The following KALRN variants were observed in gnomAD, a reference collection of about 807,000 sequenced individuals.
KALRN encodes the protein kalirin.
Under a neutral mutation model 353.7 loss-of-function variants are expected in KALRN, and 70 were observed. That is an observed-to-expected ratio of 0.20 (90% confidence interval 0.16 to 0.24). KALRN has a LOEUF of 0.24. Ranked by LOEUF, KALRN falls within the 10% of genes least tolerant of loss-of-function variation. The pLI is 1.00. For synonymous variants in KALRN, 1,391 were observed against 1,434.8 expected, an observed-to-expected ratio of 0.97 and a Z score of 0.69; for missense variants, 2,791 against 3,756.7, an observed-to-expected ratio of 0.74 and a Z score of 6.72.
chr3:124,246,819 G>A (rs1033236576), intron 3 of KALRN, among the ~76,000 whole-genome samples: 1 of 152,176 alleles, frequency 6.6e-6, no homozygotes, highest in Non-Finnish European at 1.5e-5. Flanking sequence ...TTTGTGGTAG[G>A]TAATCAGGAT....
chr3:124,084,597 T>C (rs575632185), intron 1 of KALRN, among the ~76,000 whole-genome samples: 1 of 152,374 alleles, frequency 6.6e-6, no homozygotes, highest in Admixed American at 6.5e-5. Flanking sequence ...GAAGCATGTT[T>C]AGACAATTAC....
At chr3:124,672,939 A>G (rs2086643605) in intron 48 of KALRN, among the ~76,000 whole-genome samples, 1 of 152,164 alleles carries the variant, frequency 6.6e-6, no homozygotes, top group South Asian at 2.1e-4. Context: ...ATTAGTTTAT[A>G]TTGGTTATAT....
intron 6 of KALRN, among the ~76,000 whole-genome samples, chr3:124,312,378 C>T (rs950444486): frequency 2.0e-5 from 3 of 152,166 alleles, no homozygotes; most frequent in African/African-American, 7.2e-5. Flanking sequence ...CCAGGCTGGT[C>T]TTGAACTCCT....
At chr3:124,701,260 T>C (rs963937039) in intron 56 of KALRN, among the ~76,000 whole-genome samples, 1 of 152,204 alleles carries the variant, frequency 6.6e-6, no homozygotes, top group Non-Finnish European at 1.5e-5. Context: ...CACAAGGTAA[T>C]ACTGCCAAAG....
intron 1 of KALRN, among the ~76,000 whole-genome samples, chr3:124,090,279 A>G (rs1283613545): frequency 2.6e-5 from 4 of 152,180 alleles, no homozygotes; most frequent in Non-Finnish European, 4.4e-5. Flanking sequence ...GTCTTCCATG[A>G]GCTGGGCATG....
At chr3:124,462,024 C>T in intron 24 of KALRN, 68 bp downstream of exon 24, 1 of 1,198,738 alleles carries the variant, frequency 8.3e-7, no homozygotes, top group Non-Finnish European at 1.2e-6. Flanking sequence ...ATCAAGTCCT[C>T]AATTGGAATT....
At chr3:124,649,154 G>A (rs534471539) in intron 37 of KALRN, among the ~76,000 whole-genome samples, 1 of 152,242 alleles carries the variant, frequency 6.6e-6, no homozygotes, top group South Asian at 2.1e-4. Context: ...TCTGCTTAGT[G>A]TTATGTTTTT....
At chr3:124,623,697 C>T (rs1205394907) in intron 34 of KALRN, among the ~76,000 whole-genome samples, 1 of 152,104 alleles carries the variant, frequency 6.6e-6, no homozygotes, top group Non-Finnish European at 1.5e-5. Context: ...GTCTGCCTTC[C>T]CCAGCCCACT....
intron 3 of KALRN, among the ~76,000 whole-genome samples, chr3:124,263,346 T>C (rs1367510377): frequency 6.6e-6 from 1 of 152,208 alleles, no homozygotes; most frequent in Non-Finnish European, 1.5e-5. Flanking sequence ...TCCATTCCAG[T>C]CAGTTCCACT....
At chr3:124,413,230 A>G (rs1199336786) in intron 13 of KALRN, among the ~76,000 whole-genome samples, 1 of 152,188 alleles carries the variant, frequency 6.6e-6, no homozygotes. Flanking sequence ...CATAATATGA[A>G]TGTTTGCTGC....
rs189555922 is a variant in KALRN, at chr3:124,068,720, C to G, written c.73+34907C>G. Among the ~76,000 whole-genome samples, 1,035 of 152,182 alleles carry G rather than the reference C, an allele frequency of 6.8e-3. 10 individuals carry two copies. Among genetic ancestry groups the G allele is most frequent in the Non-Finnish European group, 0.012 (807 of 68,014 alleles). ...TATTTATTGATTTACACCCTTTCCC[C>G]AGCAGTTGAATAATGATTATTGACA... On this transcript the variant is annotated intron_variant, in intron 1 of 59. Coordinates refer to ENST00000682506, the MANE Select transcript of KALRN (RefSeq NM_001388419.1).
intron 1 of KALRN, among the ~76,000 whole-genome samples, chr3:124,179,758 A>C (rs182308384): frequency 4.6e-5 from 7 of 152,298 alleles, no homozygotes; most frequent in Admixed American, 4.6e-4. Context: ...GACCACCATC[A>C]TATATATGGT....
At chr3:124,625,565 C>CAA (rs201044567) in intron 34 of KALRN, among the ~76,000 whole-genome samples, 3 of 141,532 alleles carry the variant, frequency 2.1e-5, no homozygotes, top group East Asian at 2.0e-4. Context: ...TATCTTCTTC[C>CAA]AAAAAAAAAA....
chr3:124,159,700 T>C (rs1307795752), intron 1 of KALRN, among the ~76,000 whole-genome samples: 1 of 152,136 alleles, frequency 6.6e-6, no homozygotes, highest in Non-Finnish European at 1.5e-5. Context: ...GTAGGAACTG[T>C]TAGACCCTCC....
chr3:124,248,613 G>A (rs893843625), intron 3 of KALRN, among the ~76,000 whole-genome samples: 3 of 152,178 alleles, frequency 2.0e-5, no homozygotes, highest in Admixed American at 2.0e-4. Context: ...AATGTTTTTC[G>A]GATAATTTAC....
intron 25 of KALRN, among the ~76,000 whole-genome samples, chr3:124,463,827 G>A (rs964629872): frequency 1.3e-5 from 2 of 152,230 alleles, no homozygotes; most frequent in African/African-American, 2.4e-5. Context: ...GTCATCAGAT[G>A]GCATCAGTTT....
chr3:124,088,080 C>T (rs2060916258), intron 1 of KALRN, among the ~76,000 whole-genome samples: 2 of 152,158 alleles, frequency 1.3e-5, no homozygotes, highest in Middle Eastern at 3.4e-3. Context: ...CACCCTAAGA[C>T]TATAAAAATT....
At chr3:124,699,816 A>G (rs2062233297) in intron 55 of KALRN, 53 bp from the exon 56 acceptor site, 1 of 1,567,350 alleles carries the variant, frequency 6.4e-7, no homozygotes, top group Non-Finnish European at 8.8e-7. Flanking sequence ...AGGTCTTTGA[A>G]ACAATATCCC....
At chr3:124,189,499 G>A (rs906384722) in intron 1 of KALRN, among the ~76,000 whole-genome samples, 4 of 152,164 alleles carry the variant, frequency 2.6e-5, no homozygotes, top group Non-Finnish European at 5.9e-5. Context: ...ATATGCAAGA[G>A]TGTGTAAAAA....
Sources: gnomAD v4.1 joint callset for allele counts (sites outside exome capture counted in the v4.1 genomes callset) on GRCh38, gnomAD v4.1.1 for gene constraint, MANE v1.5 for transcripts, NCBI Gene and HGNC (gene_info 2026-07-23, HGNC 2026-07-21) for gene names.